The following PDE4D variants were observed in gnomAD, a reference collection of about 807,000 sequenced individuals.
PDE4D encodes the protein phosphodiesterase 4D.
Under a neutral mutation model 87.4 loss-of-function variants are expected in PDE4D, and 24 were observed. The observed-to-expected ratio is 0.27, with a 90% CI of 0.20 to 0.39. The LOEUF (loss-of-function observed/expected upper bound fraction) is 0.39. Ranked by LOEUF, PDE4D falls within the 10% of genes least tolerant of loss-of-function variation. The probability of loss-of-function intolerance (pLI) is 1.00; values close to 1 mark genes in which losing one functional copy is unlikely to be tolerated. For synonymous variants in PDE4D, 384 were observed against 383.2 expected, an observed-to-expected ratio of 1.00 and a Z score of -0.02; for missense variants, 714 against 1,041.0, an observed-to-expected ratio of 0.69 and a Z score of 4.32.
At chr5:60,318,573 C>A (rs909388761) in intron 1 of PDE4D, among the ~76,000 whole-genome samples, 2 of 152,112 alleles carry the variant, frequency 1.3e-5, no homozygotes, top group African/African-American at 2.4e-5. Flanking sequence ...CAGTTTCTTC[C>A]TAGCCTTGAT....
At chr5:60,386,675 G>A (rs981030624) in intron 1 of PDE4D, among the ~76,000 whole-genome samples, 5 of 152,192 alleles carry the variant, frequency 3.3e-5, no homozygotes, top group African/African-American at 1.2e-4. Flanking sequence ...GCATTTATAT[G>A]CAAATATACC....
chr5:59,219,042 T>G (rs1358138127), intron 1 of PDE4D, among the ~76,000 whole-genome samples: 3 of 82,310 alleles, frequency 3.6e-5, no homozygotes, highest in Non-Finnish European at 6.6e-5. Context: ...TGGGGACTGT[T>G]GTGGGGTGGG....
intron 1 of PDE4D, among the ~76,000 whole-genome samples, chr5:60,404,680 A>G (rs891718180): frequency 5.9e-5 from 9 of 152,242 alleles, no homozygotes; most frequent in African/African-American, 2.2e-4. Context: ...TAGATAACAT[A>G]GTTACAGAAG....
At chr5:59,172,018 A>ATATT (rs375994957) in intron 5 of PDE4D, among the ~76,000 whole-genome samples, 15 of 20,596 alleles carry the variant, frequency 7.3e-4, no homozygotes, top group African/African-American at 5.2e-3. Flanking sequence ...TATATATTAT[A>ATATT]TATATAATAA....
intron 5 of PDE4D, among the ~76,000 whole-genome samples, chr5:59,071,761 A>G (rs7700296): frequency 0.051 from 6,570 of 129,886 alleles, 521 homozygotes; most frequent in African/African-American, 0.18. Context: ...ATGTTGGCTC[A>G]CTGCAACCTC....
chr5:59,333,929 T>C lies in PDE4D; in HGVS notation c.456-117961A>G, dbSNP rs1201907006. ...ATATAATATACTATAATAAAAATGA[T>C]GCATTGTTAAAAGATGTATGCAAAT... On this transcript the variant is annotated intron_variant, in intron 1 of 14. Transcript: ENST00000340635. Among the ~76,000 whole-genome samples the C allele has an allele frequency of 2.0e-5, 3 of 151,996 alleles. No homozygotes were observed. The East Asian group carries it at 5.8e-4, about 29-fold the overall frequency.
Position 59,893,156 on chromosome 5 carries a change from C to T in PDE4D, c.455+12G>A, listed in dbSNP as rs1751212163. On this transcript the variant is annotated intron_variant, in intron 1 of 14. Transcript: ENST00000340635. The stretch of plus-strand genomic sequence containing the variant: ...CTTTGCCTGAATGGGGGAGGGGGCG[C>T]TCTCCACTCACCGCCTGAGTCCCTG... The T allele has an allele frequency of 6.4e-7, 1 of 1,552,528 alleles. No homozygotes were observed. The highest frequency in any genetic ancestry group is 1.2e-5 in the South Asian group (1 of 83,224).
rs181928666 is a variant in PDE4D at position 60,180,814 on chromosome 5, T to C, written c.42+4743A>G. On this transcript the variant is annotated intron_variant, in intron 2 of 16. Coordinates refer to the PDE4D transcript ENST00000502484. ...CTTGGTTTTGTTTTGTATTTTGTGCTTTTCAAAGGATTTTACCTACAGCAT... is the reference window on the plus strand; with the variant it reads ...CTTGGTTTTGTTTTGTATTTTGTGCCTTTCAAAGGATTTTACCTACAGCAT... Among the ~76,000 whole-genome samples, 290 of 152,294 alleles carry C rather than the reference T, an allele frequency of 1.9e-3. 2 individuals carry two copies. Among genetic ancestry groups the C allele is most frequent in the Non-Finnish European group, 2.4e-3 (165 of 68,000 alleles).
intron 1 of PDE4D, among the ~76,000 whole-genome samples, chr5:59,759,094 T>C (rs1001551778): frequency 5.9e-5 from 9 of 152,070 alleles, no homozygotes; most frequent in African/African-American, 1.7e-4. Context: ...ACATTAGAGA[T>C]AGTAAAGCTT....
chr5:60,189,098 C>T (rs1273404067), intron 1 of PDE4D, among the ~76,000 whole-genome samples: 2 of 152,188 alleles, frequency 1.3e-5, no homozygotes, highest in East Asian at 3.9e-4. Context: ...GGCGAGAGAA[C>T]ACTCACACGT....
chr5:59,149,455 G>A (rs1004693898), intron 5 of PDE4D, among the ~76,000 whole-genome samples: 19 of 152,094 alleles, frequency 1.2e-4, no homozygotes, highest in Non-Finnish European at 2.8e-4. Context: ...GAAGCTGGCT[G>A]CAGCATCAAA....
At position 60,241,418 on chromosome 5, in the gene PDE4D, C is replaced by T. The variant is rs575537629; in HGVS notation, c.-89-55731G>A. ...CCTCCCAAGTAGCTGGGATTACAGG[C>T]ACACGCCACCACACTTGGCTAATTT... On this transcript the variant is annotated intron_variant, in intron 1 of 16. Coordinates refer to the PDE4D transcript ENST00000502484. Among the ~76,000 whole-genome samples the T allele has an allele frequency of 3.9e-4, 59 of 151,878 alleles. 1 individual carries two copies. The highest frequency in any genetic ancestry group is 1.4e-3 in the African/African-American group (58 of 41,440).
chr5:59,729,646 T>C (rs988598619), intron 1 of PDE4D, among the ~76,000 whole-genome samples: 8 of 152,040 alleles, frequency 5.3e-5, no homozygotes, highest in Middle Eastern at 3.2e-3. Flanking sequence ...ACTTAGTATA[T>C]TTTAACTATC....
chr5:60,187,402 G>GA (rs1233466426), intron 1 of PDE4D, among the ~76,000 whole-genome samples: 1 of 152,074 alleles, frequency 6.6e-6, no homozygotes, highest in African/African-American at 2.4e-5. Context: ...TATCTAGGGA[G>GA]AAAAAACTTT....
intron 1 of PDE4D, among the ~76,000 whole-genome samples, chr5:59,681,708 G>A (rs1400664464): frequency 6.6e-6 from 1 of 151,962 alleles, no homozygotes; most frequent in Non-Finnish European, 1.5e-5. Context: ...AGACCGTCCT[G>A]GCTAACACGG....
At chr5:58,994,056 C>T (rs1748577167) in intron 6 of PDE4D, among the ~76,000 whole-genome samples, 1 of 152,122 alleles carries the variant, frequency 6.6e-6, no homozygotes, top group South Asian at 2.1e-4. Context: ...GAGTACTCTT[C>T]CAGGACTATG....
chr5:60,463,170 C>G (rs1248734313), intron 1 of PDE4D, among the ~76,000 whole-genome samples: 1 of 152,112 alleles, frequency 6.6e-6, no homozygotes, highest in South Asian at 2.1e-4. Flanking sequence ...TGGAGCCCAG[C>G]CTGCACTGAG....
intron 5 of PDE4D, among the ~76,000 whole-genome samples, chr5:59,149,842 A>AT (rs139158971): frequency 5.4e-5 from 8 of 149,280 alleles, no homozygotes; most frequent in South Asian, 2.1e-4. Flanking sequence ...GACTCATTAG[A>AT]TTTTTTTTTA....
chr5:59,203,130 G>C (rs892694710), intron 2 of PDE4D, among the ~76,000 whole-genome samples: 4 of 152,020 alleles, frequency 2.6e-5, no homozygotes, highest in Non-Finnish European at 1.5e-5. Context: ...GATAGCTTAA[G>C]CCCAGGAGTT....
Sources: gnomAD v4.1 joint callset for allele counts (sites outside exome capture counted in the v4.1 genomes callset) on GRCh38, gnomAD v4.1.1 for gene constraint, MANE v1.5 for transcripts, NCBI Gene and HGNC (gene_info 2026-07-23, HGNC 2026-07-21) for gene names.